The following ABR variants were observed in gnomAD, a reference collection of about 807,000 sequenced individuals.
ABR encodes active breakpoint cluster region-related protein.
Under a neutral mutation model 107.2 loss-of-function variants are expected in ABR, and 35 were observed. That is an observed-to-expected ratio of 0.33 (90% CI 0.25 to 0.43). The LOEUF (loss-of-function observed/expected upper bound fraction) is 0.43, where lower values mean the gene tolerates loss of function less well. Among genes scored for constraint, ABR ranks in the 20% least tolerant of loss-of-function variants. The pLI, the probability that ABR is intolerant of heterozygous loss-of-function variation, is 1.00. For missense variants in ABR, 815 were observed against 1,115.2 expected (o/e 0.73, Z 3.83); for synonymous variants, 498 against 462.0 (o/e 1.08, Z -1.00).
rs1365440272 is a variant in ABR, at chr17:1,084,931, T to C, written c.532-1304A>G. 1.3e-5 allele frequency among the ~76,000 whole-genome samples: 2 copies of C among 151,910 alleles called. No individual in the cohort carries two copies. Among genetic ancestry groups the C allele is most frequent in the African/African-American group, 4.8e-5 (2 of 41,338 alleles). On this transcript the variant is annotated intron_variant, in intron 4 of 22. Transcript: ENST00000302538. The surrounding 1 kb of genome is among the most constrained non-coding windows in gnomAD (Gnocchi z 4.2). ...GATTCTCCTGCCTCAGCCTCCCGAG[T>C]AGCTGGCGTTACAGGCGCCCGCCAC... is the stretch of plus-strand genomic sequence containing the variant.
intron 1 of ABR, among the ~76,000 whole-genome samples, chr17:1,198,856 A>C (rs1598112376): frequency 7.1e-6 from 1 of 139,906 alleles, no homozygotes. Flanking sequence ...GATGGTTATG[A>C]TCTCCTGAAC....
intron 2 of ABR, among the ~76,000 whole-genome samples, chr17:1,105,240 C>T (rs2261751): frequency 6.6e-6 from 1 of 151,704 alleles, no homozygotes; most frequent in Non-Finnish European, 1.5e-5. Context: ...AACTCCTGAC[C>T]TCATGATCCA....
chr17:1,129,726 A>T (rs990768238), intron 1 of ABR, among the ~76,000 whole-genome samples: 9 of 152,170 alleles, frequency 5.9e-5, no homozygotes, highest in Non-Finnish European at 1.2e-4. Context: ...AGGCAGGTGG[A>T]TCACGAGGTT....
At chr17:1,093,585 T>A (rs1291042773) in intron 3 of ABR, among the ~76,000 whole-genome samples, 1 of 152,154 alleles carries the variant, frequency 6.6e-6, no homozygotes, top group African/African-American at 2.4e-5. Context: ...TAGGATTAAG[T>A]AGTGAGCTTT....
chr17:1,014,581 G>A (rs914080544), intron 16 of ABR, among the ~76,000 whole-genome samples: 4 of 151,920 alleles, frequency 2.6e-5, no homozygotes, highest in African/African-American at 9.7e-5. Context: ...GCTCATGCCT[G>A]TAATCCCAGC....
At chr17:1,144,663 G>A (rs1027791067) in intron 1 of ABR, among the ~76,000 whole-genome samples, 1 of 151,954 alleles carries the variant, frequency 6.6e-6, no homozygotes, top group Non-Finnish European at 1.5e-5. Flanking sequence ...AGGCTGAGGT[G>A]GGTGGATCAC....
rs968943034 is a variant in ABR at position 1,216,704 on chromosome 17, GTC to G, written c.838+12087_838+12088del. Among the ~76,000 whole-genome samples the G allele has an allele frequency of 1.4e-4, 21 of 152,212 alleles. 1 individual carries two copies. The highest frequency in any genetic ancestry group is 4.3e-4 in the African/African-American group (18 of 41,460). ...CACGTGCCACCCTGCTGTTGCAGCT[GTC>G]TCTAAGGACTGCGCTGTCCTCTGCC... is the stretch of plus-strand genomic sequence containing the variant. On this transcript the variant is annotated intron_variant, in intron 1 of 22. Transcript: ENST00000574139.
At chr17:1,014,979 A>T (rs1211789069) in intron 16 of ABR, among the ~76,000 whole-genome samples, 1 of 152,108 alleles carries the variant, frequency 6.6e-6, no homozygotes, top group Non-Finnish European at 1.5e-5. Context: ...ATATTTTTAT[A>T]TTTTCAAGTC....
chr17:1,141,713 TCA>T (rs1279700523), intron 1 of ABR, among the ~76,000 whole-genome samples: 2 of 152,112 alleles, frequency 1.3e-5, no homozygotes, highest in African/African-American at 2.4e-5. Context: ...CTGCTGTTCA[TCA>T]GTCAGCCTCC....
intron 2 of ABR, among the ~76,000 whole-genome samples, chr17:1,110,530 G>A (rs1376884015): frequency 3.9e-5 from 6 of 152,188 alleles, no homozygotes; most frequent in Non-Finnish European, 7.3e-5. Context: ...ATTTTAAAAC[G>A]ATGGCAAATA....
intron 6 of ABR, 43 bp downstream of exon 6, chr17:1,079,287 G>A (rs752463466): frequency 6.2e-7 from 1 of 1,601,492 alleles, no homozygotes; most frequent in African/African-American, 1.3e-5. Flanking sequence ...TGCACAGCCA[G>A]ACAAAGGTAG....
exon 1 of ABR, chr17:1,229,045 T>A (rs1193131102): frequency 6.6e-6 from 1 of 151,318 alleles, no homozygotes; most frequent in Non-Finnish European, 1.5e-5. Context: ...ATCAGGTGCA[T>A]CCAGCGGCGG....
At chr17:1,091,901 A>G (rs574321186) in intron 3 of ABR, 51 bp from the exon 4 acceptor site, 106 of 1,555,822 alleles carry the variant, frequency 6.8e-5, no homozygotes, top group Non-Finnish European at 4.4e-6. Context: ...AACAAACCAG[A>G]GTGTCGGCAG....
At chr17:1,169,282 G>C (rs1179939175) in intron 1 of ABR, among the ~76,000 whole-genome samples, 2 of 152,172 alleles carry the variant, frequency 1.3e-5, no homozygotes, top group Admixed American at 1.3e-4. Context: ...CAAGAACAAT[G>C]GCCAATCCCC....
At chr17:1,085,605 G>C (rs73975622) in intron 4 of ABR, among the ~76,000 whole-genome samples, 1 of 152,072 alleles carries the variant, frequency 6.6e-6, no homozygotes, top group East Asian at 1.9e-4. Flanking sequence ...GAGCCGTATC[G>C]TTCAGTGCAG....
At chr17:1,061,684 T>C (rs1328154678) in intron 10 of ABR, among the ~76,000 whole-genome samples, 2 of 152,060 alleles carry the variant, frequency 1.3e-5, no homozygotes, top group Non-Finnish European at 2.9e-5. Context: ...GTGGCTGGGA[T>C]TACAGGCACC....
At chr17:1,191,706 G>A (rs1206718254), upstream of ABR, among the ~76,000 whole-genome samples, 1 of 152,136 alleles carries the variant, frequency 6.6e-6, no homozygotes, top group Admixed American at 6.5e-5. Flanking sequence ...TGAGGGGCCT[G>A]TTGAAAGCAG....
chr17:1,079,390 C>T lies in ABR; in HGVS notation c.640G>A (p.Glu214Lys). The T allele has an allele frequency of 6.2e-7, 1 of 1,612,928 alleles. No individual in the cohort carries two copies. Among genetic ancestry groups the T allele is most frequent in the Non-Finnish European group, 8.5e-7 (1 of 1,179,426 alleles). The change falls in exon 6 of 23, where the codon GAA (glutamate) becomes AAA (lysine). Residue 214 changes from glutamate (E) to lysine (K), a missense_variant and splice_region_variant. Physicochemically the swap from Glu to Lys is moderately conservative, Grantham distance 56 (BLOSUM62 1). Transcript: ENST00000302538. ...SNNQFQKISE[E>K]LKVKGPKDSK... is the part of the protein sequence containing the mutation. The stretch of plus-strand genomic sequence containing the variant: ...TCCTTGGGACCTTTCACTTTGAGTT[C>T]CTGCCAAAGGGAGGAGAGGAGTCAT...
intron 14 of ABR, among the ~76,000 whole-genome samples, chr17:1,054,996 GT>G (rs957884525): frequency 6.6e-6 from 1 of 152,112 alleles, no homozygotes; most frequent in Non-Finnish European, 1.5e-5. Flanking sequence ...CTGTGACTCG[GT>G]TACCTCCTCT....
Sources: allele counts gnomAD v4.1 joint callset (sites outside exome capture counted in the v4.1 genomes callset), GRCh38; gene constraint gnomAD v4.1.1; non-coding constraint Gnocchi (gnomAD v3.1); transcripts MANE v1.5; gene names NCBI Gene and HGNC (gene_info 2026-07-23, HGNC 2026-07-21).